The following PARD3 variants were observed in gnomAD, a reference collection of about 807,000 sequenced individuals.
PARD3 encodes the protein par-3 family cell polarity regulator.
A neutral mutation model predicts 155.4 loss-of-function variants in PARD3; 75 were observed. That is an observed-to-expected ratio of 0.48 (90% CI 0.40 to 0.58). The LOEUF is 0.58. Ranked by LOEUF, PARD3 falls within the 20% of genes least tolerant of loss-of-function variation. The pLI, the probability that PARD3 is intolerant of heterozygous loss-of-function variation, is 0.00. For missense variants in PARD3, 1,642 were observed against 1,721.7 expected (o/e 0.95, Z 0.82); for synonymous variants, 576 against 610.5 (o/e 0.94, Z 0.83).
chr10:34,702,354 G>GA (rs967820122), intron 1 of PARD3, among the ~76,000 whole-genome samples: 3 of 151,572 alleles, frequency 2.0e-5, no homozygotes, highest in Admixed American at 6.6e-5. Flanking sequence ...CCGTGTCTCA[G>GA]AAAAAATAAT....
chr10:34,154,250 A>G (rs1948898268), intron 22 of PARD3, among the ~76,000 whole-genome samples: 1 of 152,236 alleles, frequency 6.6e-6, no homozygotes, highest in South Asian at 2.1e-4. Context: ...GAGACTGGAA[A>G]GTAGAATGTG....
At chr10:34,740,405 G>GCCA (rs892087549) in intron 1 of PARD3, among the ~76,000 whole-genome samples, 1 of 152,214 alleles carries the variant, frequency 6.6e-6, no homozygotes, top group African/African-American at 2.4e-5. Flanking sequence ...TCCTTCTGAT[G>GCCA]CCACCTCTTT....
chr10:34,613,307 C>T (rs1048551174), intron 2 of PARD3, among the ~76,000 whole-genome samples: 3 of 152,146 alleles, frequency 2.0e-5, no homozygotes, highest in Non-Finnish European at 4.4e-5. Context: ...CTTTTTGATT[C>T]AGCTTTTAGT....
At chr10:34,764,872 T>C (rs1362764020) in intron 1 of PARD3, among the ~76,000 whole-genome samples, 1 of 152,164 alleles carries the variant, frequency 6.6e-6, no homozygotes, top group African/African-American at 2.4e-5. Context: ...CACACAGTGC[T>C]CAAAGTACTG....
chr10:34,510,574 TA>T (rs1378667104), intron 3 of PARD3, among the ~76,000 whole-genome samples: 3 of 152,238 alleles, frequency 2.0e-5, no homozygotes, highest in East Asian at 1.9e-4. Flanking sequence ...TATTCAAGCC[TA>T]AAAAAGATTA....
chr10:34,231,006 G>T (rs1256827447), intron 22 of PARD3, among the ~76,000 whole-genome samples: 1 of 151,952 alleles, frequency 6.6e-6, no homozygotes, highest in African/African-American at 2.4e-5. Flanking sequence ...CAGCCTGGGT[G>T]ACAGAGCGAG....
At chr10:34,696,941 T>C (rs1332001700) in intron 1 of PARD3, among the ~76,000 whole-genome samples, 4 of 151,708 alleles carry the variant, frequency 2.6e-5, no homozygotes, top group South Asian at 2.1e-4. Context: ...GACAAGACCG[T>C]AGTGAACAAA....
chr10:34,300,403 C>T (rs576506480), intron 20 of PARD3, among the ~76,000 whole-genome samples: 53 of 152,158 alleles, frequency 3.5e-4, no homozygotes, highest in African/African-American at 1.2e-3. Context: ...ACCTGTAATC[C>T]CAACACTCTG....
At chr10:34,123,168 C>G (rs1947096397) in intron 23 of PARD3, among the ~76,000 whole-genome samples, 1 of 152,048 alleles carries the variant, frequency 6.6e-6, no homozygotes, top group South Asian at 2.1e-4. Flanking sequence ...CTGCCAGAGC[C>G]ATAATAACAA....
At chr10:34,412,704 TG>T (rs1265232437) in intron 5 of PARD3, among the ~76,000 whole-genome samples, 1 of 152,222 alleles carries the variant, frequency 6.6e-6, no homozygotes, top group East Asian at 1.9e-4. Context: ...TTAGTACTTT[TG>T]ATTTCCTCAG....
intron 20 of PARD3, among the ~76,000 whole-genome samples, chr10:34,298,801 T>C (rs1179048449): frequency 1.3e-5 from 2 of 152,170 alleles, no homozygotes; most frequent in Non-Finnish European, 2.9e-5. Context: ...AGATTAAGGA[T>C]GGTTGAATAA....
chr10:34,799,639 T>C (rs1842655020), intron 1 of PARD3, among the ~76,000 whole-genome samples: 1 of 152,154 alleles, frequency 6.6e-6, no homozygotes, highest in Non-Finnish European at 1.5e-5. Flanking sequence ...AAAATGCACA[T>C]CAGTTTGTCA....
At chr10:34,137,990 T>C (rs1173503779) in intron 22 of PARD3, among the ~76,000 whole-genome samples, 4 of 152,186 alleles carry the variant, frequency 2.6e-5, no homozygotes, top group Non-Finnish European at 5.9e-5. Context: ...TACATTCTTG[T>C]TAAATTCAAG....
intron 22 of PARD3, among the ~76,000 whole-genome samples, chr10:34,180,988 A>G (rs1235420305): frequency 6.6e-6 from 1 of 152,150 alleles, no homozygotes; most frequent in Non-Finnish European, 1.5e-5. Context: ...GGAGCAACAA[A>G]CACAGGTACT....
chr10:34,173,759 C>A (rs918371227), intron 22 of PARD3, among the ~76,000 whole-genome samples: 2 of 152,154 alleles, frequency 1.3e-5, no homozygotes, highest in African/African-American at 2.4e-5. Flanking sequence ...TCTAGAAAAC[C>A]AGCTTACACA....
In PARD3 at chr10:34,317,143, T is replaced by C. The variant is rs146554780; in HGVS notation, c.3029A>G (p.Lys1010Arg). The change falls in exon 20 of 25, where the codon AAG (lysine) becomes AGG (arginine). Residue 1010 changes from lysine (K) to arginine (R), a missense_variant. Lys to Arg is a conservative substitution (Grantham distance 26). Around this residue, in one of 3 missense-constraint regions of PARD3, gnomAD observed 1,529 missense variants for 1,587.3 expected, o/e 0.96. Transcript: ENST00000374788. ...TCCCAAGCCCTTCAGCATTCCCTTC[T>C]TGGCTTTCATTTTATCCTTCTCCTT... ...RDKEKDKMKA[K>R]KGMLKGLGDM... 4.4e-5 allele frequency: 69 copies of C among 1,574,206 alleles called. No individual in the cohort carries two copies. The highest frequency in any genetic ancestry group is 5.7e-5 in the Non-Finnish European group (66 of 1,158,362).
intron 21 of PARD3, among the ~76,000 whole-genome samples, chr10:34,275,937 C>T (rs1955855377): frequency 6.6e-6 from 1 of 152,064 alleles, no homozygotes; most frequent in African/African-American, 2.4e-5. Context: ...CCATTTATCT[C>T]GGGCCAAACC....
chr10:34,133,445 C>A (rs1947722612), intron 22 of PARD3, among the ~76,000 whole-genome samples: 1 of 152,204 alleles, frequency 6.6e-6, no homozygotes, highest in Non-Finnish European at 1.5e-5. Flanking sequence ...CATCAGGCAT[C>A]TACTGCCTCC....
At chr10:34,547,887 T>C (rs929536648) in intron 2 of PARD3, among the ~76,000 whole-genome samples, 1 of 152,196 alleles carries the variant, frequency 6.6e-6, no homozygotes, top group African/African-American at 2.4e-5. Flanking sequence ...TTATGAAGTG[T>C]TAACATAAAA....
Sources: gnomAD v4.1 joint callset for allele counts (sites outside exome capture counted in the v4.1 genomes callset) on GRCh38, gnomAD v4.1.1 for gene constraint, gnomAD v4.1.1 regional missense constraint, MANE v1.5 for transcripts, NCBI Gene and HGNC (gene_info 2026-07-23, HGNC 2026-07-21) for gene names.